IK: variants seen among roughly 807,000 people sequenced by gnomAD.
The protein encoded by IK is protein Red.
In IK, 47 loss-of-function variants were observed where a neutral mutation model predicts 90.9. The ratio of observed to expected loss-of-function variants is 0.52; its 90% confidence interval spans 0.41 to 0.66. The LOEUF (loss-of-function observed/expected upper bound fraction) is 0.66, where lower values mean the gene tolerates loss of function less well. Ranked by LOEUF, IK falls within the 30% of genes least tolerant of loss-of-function variation. The probability of loss-of-function intolerance (pLI) is 0.00; values close to 1 mark genes in which losing one functional copy is unlikely to be tolerated. For missense variants in IK, 385 were observed against 709.3 expected (o/e 0.54, Z 5.19); for synonymous variants, 201 against 227.5 (o/e 0.88, Z 1.05).
intron 2 of IK, among the ~76,000 whole-genome samples, chr5:140,649,865 T>C (rs977013989): frequency 4.6e-5 from 7 of 152,228 alleles, no homozygotes; most frequent in African/African-American, 1.7e-4. Flanking sequence ...TTTATACACA[T>C]ACATGCATAT....
At chr5:140,660,616 G>A in intron 15 of IK, 142 bp from the exon 16 acceptor site, 1 of 630,104 alleles carries the variant, frequency 1.6e-6, no homozygotes, top group Non-Finnish European at 2.8e-6. Context: ...CTTCTTACTT[G>A]GATGAACTAT....
chr5:140,660,093 TG>T, intron 14 of IK, 21 bp from the exon 15 acceptor site: 2 of 1,601,286 alleles, frequency 1.2e-6, no homozygotes, highest in Non-Finnish European at 1.7e-6. Flanking sequence ...TCCTGTGTAG[TG>T]TTTTCTTTAA....
rs576248886 is a variant in IK, at chr5:140,658,722, C to G, written c.911-15C>G. 1 of 1,601,240 alleles carries G rather than the reference C, an allele frequency of 6.2e-7. No homozygotes were observed. The highest frequency in any genetic ancestry group is 1.3e-5 in the African/African-American group (1 of 74,868). Reference sequence around the variant, plus strand: ...ACTGAGGAGTATGTTCCTGACTCCTCTCTTTAAATTTCAGGGAAGCTGGAA... The same window carrying G: ...ACTGAGGAGTATGTTCCTGACTCCTGTCTTTAAATTTCAGGGAAGCTGGAA... On this transcript the variant is annotated splice_polypyrimidine_tract_variant and intron_variant, in intron 10 of 19. Transcript: ENST00000417647.
intron 6 of IK, 21 bp downstream of exon 6, chr5:140,654,073 G>T (rs552679039): frequency 1.4e-6 from 2 of 1,381,544 alleles, no homozygotes; most frequent in Admixed American, 3.4e-5. Context: ...GTGGTCAGGT[G>T]GGGAGTAATA....
chr5:140,648,177 T>G, intron 1 of IK: 1 of 697,240 alleles, frequency 1.4e-6, no homozygotes, highest in Non-Finnish European at 2.6e-6. Context: ...GTGGATCGCT[T>G]TCCCCCAGTC....
intron 13 of IK, 40 bp from the exon 14 acceptor site, chr5:140,659,716 C>T: frequency 7.8e-7 from 1 of 1,287,710 alleles, no homozygotes; most frequent in Non-Finnish European, 1.1e-6. Flanking sequence ...GTTGTGAGAG[C>T]CTCAGTTCAA....
intron 2 of IK, among the ~76,000 whole-genome samples, chr5:140,649,351 G>A (rs1299317913): frequency 3.3e-5 from 5 of 151,500 alleles, no homozygotes; most frequent in Admixed American, 6.6e-5. Flanking sequence ...TGGGACTACA[G>A]GCATGTGCCA....
At chr5:140,648,007 G>T (rs975069545) in intron 1 of IK, 83 bp downstream of exon 1, 4 of 930,642 alleles carry the variant, frequency 4.3e-6, no homozygotes, top group Non-Finnish European at 6.9e-6. Flanking sequence ...GCTTAAGCCG[G>T]GTGTGTGTGT....
At chr5:140,662,107 A>C in intron 18 of IK, 72 bp from the exon 19 acceptor site, 6 of 1,598,296 alleles carry the variant, frequency 3.8e-6, no homozygotes, top group Non-Finnish European at 5.1e-6. Flanking sequence ...CATGGAAATG[A>C]GAGGTCAGCC....
rs768978925 is a variant in IK, at chr5:140,660,168, A to G, written c.1328A>G (p.Asn443Ser). ...KQLGDFFGMSNSYAECYPATM... is the reference protein window; with the variant it reads ...KQLGDFFGMSSSYAECYPATM... ...CTGGGAGATTTCTTTGGCATGTCCA[A>G]CAGTTATGCAGAGTGCTACCCAGCC... The change falls in exon 15 of 20, where the codon AAC becomes AGC. Residue 443 changes from asparagine (N) to serine (S), a missense_variant. Physicochemically the swap from Asn to Ser is conservative, Grantham distance 46. This residue lies in a region of IK where 23 missense variants were observed against 115.2 expected (regional missense o/e 0.20). Coordinates refer to ENST00000417647, the MANE Select transcript of IK (RefSeq NM_006083.4). The G allele has an allele frequency of 1.9e-6, 3 of 1,613,788 alleles. No homozygotes were observed. The highest frequency in any genetic ancestry group is 2.5e-6 in the Non-Finnish European group (3 of 1,179,764).
At chr5:140,652,736 T>A (rs1347392197) in intron 4 of IK, among the ~76,000 whole-genome samples, 1 of 152,220 alleles carries the variant, frequency 6.6e-6, no homozygotes, top group Non-Finnish European at 1.5e-5. Flanking sequence ...ATTAAAAAGT[T>A]CTGAAGTGAC....
intron 14 of IK, 94 bp downstream of exon 14, chr5:140,659,928 CTCCTT>C: frequency 1.0e-6 from 1 of 997,110 alleles, no homozygotes; most frequent in Non-Finnish European, 1.6e-6. Context: ...CCCTGCCCCT[CTCCTT>C]CCCTTTTACG....
At chr5:140,648,116 C>G (rs1202509347) in intron 1 of IK, 192 bp downstream of exon 1, 2 of 741,044 alleles carry the variant, frequency 2.7e-6, no homozygotes, top group Admixed American at 2.0e-5. Context: ...GCTCCAAACT[C>G]CGTCCCCAGT....
intron 2 of IK, among the ~76,000 whole-genome samples, chr5:140,650,044 G>A (rs1215858443): frequency 5.3e-5 from 8 of 152,206 alleles, no homozygotes; most frequent in African/African-American, 1.4e-4. Context: ...CTTTAGTCAG[G>A]TTCCCCAAAG....
Position 140,655,892 on chromosome 5 carries a change from C to G in IK, c.701C>G (p.Pro234Arg). Residue 234 changes from proline to arginine, a missense_variant, in exon 9 of 20, where the codon CCG becomes CGG. Pro to Arg is a moderately radical substitution (Grantham distance 103, BLOSUM62 -2). Around this residue, in one of 8 missense-constraint regions of IK, gnomAD observed 46 missense variants for 50.0 expected, o/e 0.92. Transcript: ENST00000417647. ...KAYERNELFL[P>R]GRMAYVVDLD... ...TATGAGCGGAATGAGTTGTTCCTGCCGGGCCGCATGGCCTATGTGGTAGAC... is the reference window on the plus strand; with the variant it reads ...TATGAGCGGAATGAGTTGTTCCTGCGGGGCCGCATGGCCTATGTGGTAGAC... 1 of 1,602,386 alleles carries G rather than the reference C, an allele frequency of 6.2e-7. No homozygotes were observed. Among genetic ancestry groups the G allele is most frequent in the South Asian group, 1.1e-5 (1 of 88,984 alleles).
At chr5:140,653,363 G>T (rs995410968) in intron 5 of IK, among the ~76,000 whole-genome samples, 1 of 148,774 alleles carries the variant, frequency 6.7e-6, no homozygotes, top group South Asian at 2.1e-4. Context: ...CTTGGCTCAT[G>T]GCAAGCTCCG....
In IK at chr5:140,661,432, A is replaced by G; in HGVS notation, c.1414-188A>G. Reference sequence around the variant, plus strand: ...TTTATGAGAATTAAGTGAGATATGCATTTAGTGTACAGAATAATGCCTGTC... The same window carrying G: ...TTTATGAGAATTAAGTGAGATATGCGTTTAGTGTACAGAATAATGCCTGTC... On this transcript the variant is annotated intron_variant, in intron 16 of 19. Coordinates refer to ENST00000417647, the MANE Select transcript of IK (RefSeq NM_006083.4). This position sits in a 1 kb window ranked among gnomAD's most constrained non-coding sequence, Gnocchi z 4.2. The G allele has an allele frequency of 1.7e-6, 1 of 574,300 alleles. No individual in the cohort carries two copies. Among genetic ancestry groups the G allele is most frequent in the South Asian group, 2.2e-5 (1 of 45,336 alleles). The allele number at this position is 574,300 out of a possible 1,614,324, so 35.6% of individuals were successfully genotyped here.
At position 140,659,078 on chromosome 5, in the gene IK, C is replaced by A; in HGVS notation, c.1090C>A (p.Arg364=). 6.2e-7 allele frequency: 1 copy of A among 1,612,244 alleles called. No homozygotes were observed. The highest frequency in any genetic ancestry group is 8.5e-7 in the Non-Finnish European group (1 of 1,178,756). The part of the protein sequence containing the change: ...RDRERERERD[R]ERERERDRER... ...CCGAGAGCGAGAGCGAGAACGAGATCGGGAACGAGAGCGAGAGCGGGACCG... is the reference window on the plus strand; with the variant it reads ...CCGAGAGCGAGAGCGAGAACGAGATAGGGAACGAGAGCGAGAGCGGGACCG... The change falls in exon 12 of 20, where the codon CGG becomes AGG. Residue 364 remains arginine, a synonymous_variant. Coordinates refer to ENST00000417647, the MANE Select transcript of IK (RefSeq NM_006083.4).
In IK at chr5:140,647,835, T is replaced by A. The variant is rs779534000; in HGVS notation, c.-74T>A. The A allele has an allele frequency of 6.3e-7, 1 of 1,583,012 alleles. No homozygotes were observed. The highest frequency in any genetic ancestry group is 1.7e-5 in the Admixed American group (1 of 59,992). On this transcript the variant is annotated 5_prime_UTR_variant, in exon 1 of 20. Transcript: ENST00000417647. Reference sequence around the variant, plus strand: ...TGTGGGTTGATTCTGAGGTGCACTGTGGGAAAGAGCTTGTCGCTGCGGTGT... The same window carrying A: ...TGTGGGTTGATTCTGAGGTGCACTGAGGGAAAGAGCTTGTCGCTGCGGTGT...
Sources: allele counts gnomAD v4.1 joint callset (sites outside exome capture counted in the v4.1 genomes callset), GRCh38; gene constraint gnomAD v4.1.1; regional missense constraint gnomAD v4.1.1; non-coding constraint Gnocchi (gnomAD v3.1); transcripts MANE v1.5; gene names NCBI Gene and HGNC (gene_info 2026-07-23, HGNC 2026-07-21).